Variants in UPP2 observed in about 807,000 individuals in gnomAD.
The protein encoded by UPP2 is UPase 2.
UPP2 carries 23 observed loss-of-function variants against 26.7 expected under a neutral mutation model. That is an observed-to-expected ratio of 0.86 (90% CI 0.62 to 1.22). UPP2 has a LOEUF of 1.22. Ranked by LOEUF, UPP2 falls within the 50% of genes most tolerant of loss-of-function variation. The probability of loss-of-function intolerance (pLI) is 0.00; values close to 1 mark genes in which losing one functional copy is unlikely to be tolerated. For synonymous variants in UPP2, 127 were observed against 141.3 expected, an observed-to-expected ratio of 0.90 and a Z score of 0.72; for missense variants, 387 against 396.7, an observed-to-expected ratio of 0.98 and a Z score of 0.21.
intron 6 of UPP2, among the ~76,000 whole-genome samples, chr2:158,134,412 G>A (rs1683888855): frequency 6.6e-6 from 1 of 152,212 alleles, no homozygotes; most frequent in African/African-American, 2.4e-5. Context: ...CTGGAAATAG[G>A]ATAGAAAGCA....
intron 1 of UPP2, among the ~76,000 whole-genome samples, chr2:158,103,472 T>C (rs1402286686): frequency 1.3e-5 from 2 of 152,154 alleles, no homozygotes; most frequent in Non-Finnish European, 2.9e-5. Flanking sequence ...AGATAGGGTC[T>C]AGGGATAAGT....
chr2:158,032,434 T>C (rs1208716960), intron 3 of UPP2, among the ~76,000 whole-genome samples: 1 of 152,112 alleles, frequency 6.6e-6, no homozygotes, highest in Non-Finnish European at 1.5e-5. Flanking sequence ...GAGGGGCCTG[T>C]GGTCTTCCAG....
intron 3 of UPP2, among the ~76,000 whole-genome samples, chr2:158,068,317 A>C (rs796830051): frequency 3.8e-4 from 58 of 152,360 alleles, no homozygotes; most frequent in African/African-American, 1.3e-3. Context: ...ATTAAGGCAT[A>C]CTTAATATCA....
intron 3 of UPP2, among the ~76,000 whole-genome samples, chr2:158,078,817 G>A (rs1682672678): frequency 6.6e-6 from 1 of 152,040 alleles, no homozygotes. Context: ...ATGTTTGAGG[G>A]GATGGATACC....
intron 5 of UPP2, among the ~76,000 whole-genome samples, chr2:158,122,119 A>G (rs548168993): frequency 6.6e-6 from 1 of 152,026 alleles, no homozygotes; most frequent in Non-Finnish European, 1.5e-5. Context: ...CCAAGTTTAG[A>G]GACAAATTGA....
intron 3 of UPP2, among the ~76,000 whole-genome samples, chr2:158,016,264 A>G (rs183624068): frequency 3.9e-4 from 59 of 152,084 alleles, no homozygotes; most frequent in African/African-American, 1.4e-3. Flanking sequence ...TATAGGGATC[A>G]AGTTGTCTCA....
intron 6 of UPP2, among the ~76,000 whole-genome samples, chr2:158,127,784 G>A (rs1683725490): frequency 1.3e-5 from 2 of 152,130 alleles, no homozygotes; most frequent in Non-Finnish European, 2.9e-5. Context: ...AAAGAGAGTT[G>A]GGAATCCAAT....
chr2:158,064,768 G>C (rs1039013135), intron 3 of UPP2, among the ~76,000 whole-genome samples: 1 of 152,056 alleles, frequency 6.6e-6, no homozygotes, highest in Admixed American at 6.6e-5. Context: ...TTTTGTATAA[G>C]GTGTAAGGAA....
chr2:158,077,886 C>G (rs955077803), intron 3 of UPP2, among the ~76,000 whole-genome samples: 19 of 151,882 alleles, frequency 1.3e-4, no homozygotes, highest in African/African-American at 4.4e-4. Flanking sequence ...ACCTATCTGA[C>G]AAGGGATTAA....
intron 3 of UPP2, among the ~76,000 whole-genome samples, chr2:158,049,655 T>A (rs1006272964): frequency 2.0e-5 from 3 of 152,120 alleles, no homozygotes; most frequent in African/African-American, 4.8e-5. Flanking sequence ...ACTAATACAC[T>A]CTGCGGGGAG....
intron 3 of UPP2, among the ~76,000 whole-genome samples, chr2:158,067,329 G>T (rs1259289263): frequency 6.8e-6 from 1 of 146,802 alleles, no homozygotes; most frequent in South Asian, 2.1e-4. Flanking sequence ...CTTAGTGTGA[G>T]AGCTTAAACA....
intron 3 of UPP2, among the ~76,000 whole-genome samples, chr2:158,063,994 A>G (rs987035593): frequency 6.6e-6 from 1 of 152,138 alleles, no homozygotes; most frequent in African/African-American, 2.4e-5. Context: ...CCAGTCTATT[A>G]TTGATGGACA....
intron 1 of UPP2, among the ~76,000 whole-genome samples, chr2:158,104,961 G>A (rs1311606803): frequency 1.6e-4 from 12 of 75,888 alleles, no homozygotes; most frequent in African/African-American, 9.4e-4. Context: ...GGAAGGGAAG[G>A]GAAGGGAAGG....
intron 1 of UPP2, among the ~76,000 whole-genome samples, chr2:158,104,076 A>G (rs6705376): frequency 0.023 from 3,493 of 152,334 alleles, 112 homozygotes; most frequent in African/African-American, 0.08. Context: ...TTAATTCAAC[A>G]ATAGAATTTG....
chr2:158,120,985 CAGA>C (rs1683554099), intron 4 of UPP2, among the ~76,000 whole-genome samples: 2 of 152,034 alleles, frequency 1.3e-5, no homozygotes, highest in Middle Eastern at 6.8e-3. Context: ...TGAAAAGAAT[CAGA>C]AGAAAAAGAG....
intron 2 of UPP2, among the ~76,000 whole-genome samples, chr2:158,114,501 A>G (rs1163698215): frequency 6.6e-6 from 1 of 152,228 alleles, no homozygotes; most frequent in Non-Finnish European, 1.5e-5. Context: ...ACAAAAATAA[A>G]TCACTGGAAT....
intron 3 of UPP2, among the ~76,000 whole-genome samples, chr2:158,060,531 T>C (rs1246727894): frequency 1.3e-5 from 2 of 152,196 alleles, no homozygotes; most frequent in African/African-American, 4.8e-5. Flanking sequence ...GAGAGACACA[T>C]CTTTTGTTTT....
chr2:158,104,527 TA>T (rs11329452), intron 1 of UPP2, among the ~76,000 whole-genome samples: 3,484 of 152,246 alleles, frequency 0.023, 114 homozygotes, highest in African/African-American at 0.079. Flanking sequence ...TTTTTGTTTT[TA>T]AAGCTCCCTG....
intron 3 of UPP2, among the ~76,000 whole-genome samples, chr2:158,092,185 T>C (rs1682922157): frequency 6.6e-6 from 1 of 152,140 alleles, no homozygotes; most frequent in Non-Finnish European, 1.5e-5. Flanking sequence ...AGATAACCTA[T>C]TCAGGAAGAA....
Sources: allele counts gnomAD v4.1 joint callset (sites outside exome capture counted in the v4.1 genomes callset), GRCh38; gene constraint gnomAD v4.1.1; transcripts MANE v1.5; gene names NCBI Gene and HGNC (gene_info 2026-07-23, HGNC 2026-07-21).